Variants in BMP8A observed in about 807,000 individuals in gnomAD.
BMP8A encodes the protein BMP-8A.
Under a neutral mutation model 36.8 loss-of-function variants are expected in BMP8A, and 14 were observed. The ratio of observed to expected loss-of-function variants is 0.38; its 90% CI spans 0.25 to 0.60. The LOEUF (loss-of-function observed/expected upper bound fraction) is 0.60, where lower values mean the gene tolerates loss of function less well. BMP8A is among the 20% of genes least tolerant of loss of function. The probability of loss-of-function intolerance (pLI) is 0.63; values close to 1 mark genes in which losing one functional copy is unlikely to be tolerated. For synonymous variants in BMP8A, 120 were observed against 237.7 expected (o/e 0.50, Z 4.55); for missense variants, 267 against 551.1 (o/e 0.48, Z 5.16).
intron 1 of BMP8A, among the ~76,000 whole-genome samples, chr1:39,509,142 C>T (rs899604017): frequency 1.3e-5 from 2 of 152,208 alleles, no homozygotes; most frequent in African/African-American, 4.8e-5. Flanking sequence ...ACCCACCCAG[C>T]AGCCCTGCTG....
rs368119947 is a variant in BMP8A at position 39,527,161 on chromosome 1, C to T, written c.*1363C>T. ...TGGCGTCACCCTGGGTGCCCACCAG[C>T]GCTGTCCTGTGTCTTGGGTCTGTGA... On this transcript the variant is annotated 3_prime_UTR_variant, in exon 7 of 7. Coordinates refer to ENST00000331593, the MANE Select transcript of BMP8A (RefSeq NM_181809.4). 4.6e-5 allele frequency among the ~76,000 whole-genome samples: 7 copies of T among 152,288 alleles called. No homozygotes were observed. Among genetic ancestry groups the T allele is most frequent in the African/African-American group, 9.6e-5 (4 of 41,560 alleles).
At chr1:39,517,044 A>G (rs1300875628) in intron 3 of BMP8A, among the ~76,000 whole-genome samples, 1 of 151,904 alleles carries the variant, frequency 6.6e-6, no homozygotes, top group African/African-American at 2.4e-5. Context: ...GCTGGAATGC[A>G]ATGGAATGCA....
At chr1:39,501,762 T>C (rs1011305039) in intron 1 of BMP8A, among the ~76,000 whole-genome samples, 1 of 152,182 alleles carries the variant, frequency 6.6e-6, no homozygotes, top group Non-Finnish European at 1.5e-5. Flanking sequence ...CACAGCCAGC[T>C]GGGACATTTT....
rs1025843858 is a variant in BMP8A at position 39,528,212 on chromosome 1, C to T, written c.*2414C>T. On this transcript the variant is annotated 3_prime_UTR_variant, in exon 7 of 7. Coordinates refer to ENST00000331593, the MANE Select transcript of BMP8A (RefSeq NM_181809.4). ...GCAGCAAAGCACAAAGTGTGACAGT[C>T]GTGGCCTTCCTGGTGGCCAGACTTC... Among the ~76,000 whole-genome samples the T allele has an allele frequency of 2.0e-5, 3 of 152,192 alleles. No homozygotes were observed. The highest frequency in any genetic ancestry group is 7.2e-5 in the African/African-American group (3 of 41,438).
Position 39,491,894 on chromosome 1 carries a change from G to C in BMP8A, c.-98G>C, listed in dbSNP as rs1343769660. The C allele has an allele frequency of 3.1e-5, 31 of 995,788 alleles. No individual in the cohort carries two copies. Among genetic ancestry groups the C allele is most frequent in the Non-Finnish European group, 3.7e-5 (31 of 829,268 alleles). The allele number at this position is 995,788 out of a possible 1,614,324, so 61.7% of individuals were successfully genotyped here. ...CGCCGCCCGCCGAGCCCCGCCCCCT[G>C]CTCGCCGAACTCAGCTCCCCGTTCG... On this transcript the variant is annotated 5_prime_UTR_variant, in exon 1 of 7. Transcript: ENST00000331593.
Position 39,527,693 on chromosome 1 carries a change from A to G in BMP8A, c.*1895A>G, listed in dbSNP as rs754383847. On this transcript the variant is annotated 3_prime_UTR_variant, in exon 7 of 7. Transcript: ENST00000331593. ...AAGATGGTGAGTTCCCCACTAGTCT[A>G]AGGCTTCAAGCTCAGCTAGCAGAGA... Among the ~76,000 whole-genome samples the G allele has an allele frequency of 6.6e-6, 1 of 152,226 alleles. No individual in the cohort carries two copies. Among genetic ancestry groups the G allele is most frequent in the Non-Finnish European group, 1.5e-5 (1 of 68,026 alleles).
chr1:39,495,989 G>A (rs1645201984), intron 1 of BMP8A, among the ~76,000 whole-genome samples: 1 of 150,420 alleles, frequency 6.6e-6, no homozygotes, highest in Admixed American at 6.6e-5. Context: ...GGACAGGGGT[G>A]TTGATGAACA....
intron 1 of BMP8A, among the ~76,000 whole-genome samples, chr1:39,508,302 C>T (rs1645320438): frequency 6.6e-6 from 1 of 152,160 alleles, no homozygotes; most frequent in Non-Finnish European, 1.5e-5. Context: ...TCTCCCTTTC[C>T]CCACCATGGC....
rs1645161058 is a variant in BMP8A at position 39,491,898 on chromosome 1, G to C, written c.-94G>C. On this transcript the variant is annotated 5_prime_UTR_variant, in exon 1 of 7. Transcript: ENST00000331593. ...GCCCGCCGAGCCCCGCCCCCTGCTC[G>C]CCGAACTCAGCTCCCCGTTCGCCGT... 9.9e-7 allele frequency: 1 copy of C among 1,008,094 alleles called. No individual in the cohort carries two copies. Among genetic ancestry groups the C allele is most frequent in the Non-Finnish European group, 1.2e-6 (1 of 839,842 alleles). 62.4% of individuals were successfully genotyped at this position (1,008,094 alleles called of 1,614,324 possible).
chr1:39,499,862 C>G (rs112771385), intron 1 of BMP8A, among the ~76,000 whole-genome samples: 4,905 of 152,272 alleles, frequency 0.032, 264 homozygotes, highest in African/African-American at 0.11. Context: ...GTCACCAGTC[C>G]CTGTTGGCTG....
At chr1:39,522,179 G>A (rs1645432474) in intron 4 of BMP8A, 1 of 519,446 alleles carries the variant, frequency 1.9e-6, no homozygotes, top group Admixed American at 4.0e-5. Flanking sequence ...GACAGGGGAG[G>A]ACTGGGCACA....
intron 1 of BMP8A, among the ~76,000 whole-genome samples, chr1:39,508,520 C>T (rs111446145): frequency 1.3e-5 from 2 of 152,206 alleles, no homozygotes; most frequent in Non-Finnish European, 1.5e-5. Context: ...CCCACAGGGT[C>T]GGGACTGGGA....
At position 39,491,871 on chromosome 1, in the gene BMP8A, C is replaced by A; in HGVS notation, c.-121C>A. The A allele has an allele frequency of 1.1e-6, 1 of 899,308 alleles. No homozygotes were observed. Among genetic ancestry groups the A allele is most frequent in the Non-Finnish European group, 1.3e-6 (1 of 742,580 alleles). 55.7% of individuals were successfully genotyped at this position (899,308 alleles called of 1,614,324 possible). ...AGGGACCGCGCTGAGGCCGCAGACGCCGCCCGCCGAGCCCCGCCCCCTGCT... is the reference window on the plus strand; with the variant it reads ...AGGGACCGCGCTGAGGCCGCAGACGACGCCCGCCGAGCCCCGCCCCCTGCT... On this transcript the variant is annotated 5_prime_UTR_variant, in exon 1 of 7. Transcript: ENST00000331593.
At chr1:39,500,684 G>T (rs1435560063) in intron 1 of BMP8A, among the ~76,000 whole-genome samples, 2 of 151,392 alleles carry the variant, frequency 1.3e-5, no homozygotes, top group African/African-American at 2.4e-5. Context: ...ACGGAGTCTT[G>T]CTCTGTCACC....
Position 39,527,185 on chromosome 1 carries a change from G to A in BMP8A, c.*1387G>A, listed in dbSNP as rs1302964373. On this transcript the variant is annotated 3_prime_UTR_variant, in exon 7 of 7. Transcript: ENST00000331593. ...GCGCTGTCCTGTGTCTTGGGTCTGT[G>A]AGTCAAAGAAAAGGTCCCTGTCCCA... is the stretch of plus-strand genomic sequence containing the variant. 2.0e-5 allele frequency among the ~76,000 whole-genome samples: 3 copies of A among 152,178 alleles called. No homozygotes were observed. The highest frequency in any genetic ancestry group is 7.2e-5 in the African/African-American group (3 of 41,434).
At chr1:39,505,050 G>A (rs944642651) in intron 1 of BMP8A, among the ~76,000 whole-genome samples, 16 of 152,154 alleles carry the variant, frequency 1.1e-4, no homozygotes, top group Non-Finnish European at 1.5e-5. Context: ...GTCCAATCGG[G>A]TTTTACACCA....
rs572770457 is a variant in BMP8A at position 39,527,501 on chromosome 1, C to T, written c.*1703C>T. On this transcript the variant is annotated 3_prime_UTR_variant, in exon 7 of 7. Coordinates refer to ENST00000331593, the MANE Select transcript of BMP8A (RefSeq NM_181809.4). The stretch of plus-strand genomic sequence containing the variant: ...GCGCCTCTCTGGAGTTCACGTGCTG[C>T]ACCCCCAGGGAGGGGCCTGGGGAGA... Among the ~76,000 whole-genome samples, 1 of 152,354 alleles carries T rather than the reference C, an allele frequency of 6.6e-6. No homozygotes were observed. Among genetic ancestry groups the T allele is most frequent in the Admixed American group, 6.5e-5 (1 of 15,306 alleles).
At chr1:39,516,137 G>T in intron 3 of BMP8A, 2 of 628,340 alleles carry the variant, frequency 3.2e-6, no homozygotes, top group Non-Finnish European at 4.9e-6. Flanking sequence ...AGCCATGCAG[G>T]TTTCCAAATA....
chr1:39,499,585 G>C (rs936511796), intron 1 of BMP8A, among the ~76,000 whole-genome samples: 1 of 152,256 alleles, frequency 6.6e-6, no homozygotes, highest in Admixed American at 6.5e-5. Flanking sequence ...TGGAGGCCTA[G>C]CCTGGAGTGG....
Sources: gnomAD v4.1 joint callset for allele counts (sites outside exome capture counted in the v4.1 genomes callset) on GRCh38, gnomAD v4.1.1 for gene constraint, MANE v1.5 for transcripts, NCBI Gene and HGNC (gene_info 2026-07-23, HGNC 2026-07-21) for gene names.